Variants in UNC5D observed in about 807,000 individuals in gnomAD.
UNC5D encodes unc-5 netrin receptor D.
UNC5D carries 39 observed loss-of-function variants against 105.4 expected under a neutral mutation model. The ratio of observed to expected loss-of-function variants is 0.37; its 90% CI spans 0.29 to 0.48. The LOEUF (loss-of-function observed/expected upper bound fraction) is 0.48. UNC5D is among the 20% of genes least tolerant of loss of function. The pLI is 0.98. For missense variants in UNC5D, 991 were observed against 1,202.4 expected (o/e 0.82, Z 2.60); for synonymous variants, 452 against 450.4 (o/e 1.00, Z -0.04).
intron 1 of UNC5D, among the ~76,000 whole-genome samples, chr8:35,343,813 T>C (rs1227147335): frequency 2.0e-5 from 3 of 152,178 alleles, no homozygotes; most frequent in Non-Finnish European, 4.4e-5. Context: ...CTTTATGCAA[T>C]TCTGCAGCCT....
intron 16 of UNC5D, among the ~76,000 whole-genome samples, chr8:35,779,889 C>T (rs990113744): frequency 6.6e-6 from 1 of 152,122 alleles, no homozygotes; most frequent in African/African-American, 2.4e-5. Flanking sequence ...TGTCTTTTCC[C>T]TCAGATCTTA....
chr8:35,399,104 G>A (rs998117547), intron 1 of UNC5D, among the ~76,000 whole-genome samples: 5 of 134,478 alleles, frequency 3.7e-5, no homozygotes, highest in African/African-American at 1.2e-4. Context: ...GAGATGACAC[G>A]ACTGTACTCC....
At chr8:35,706,195 A>G (rs1284016641) in intron 8 of UNC5D, among the ~76,000 whole-genome samples, 3 of 152,172 alleles carry the variant, frequency 2.0e-5, no homozygotes, top group Non-Finnish European at 2.9e-5. Flanking sequence ...CTTTCTGCCT[A>G]TAAGTCCATT....
chr8:35,471,505 A>AT (rs1349826280), intron 1 of UNC5D, among the ~76,000 whole-genome samples: 1 of 152,148 alleles, frequency 6.6e-6, no homozygotes. Flanking sequence ...TAAATGAAAG[A>AT]TTTTTTTCTG....
chr8:35,756,483 T>C (rs1412205582), intron 13 of UNC5D, among the ~76,000 whole-genome samples: 5 of 150,950 alleles, frequency 3.3e-5, no homozygotes, highest in Non-Finnish European at 5.9e-5. Context: ...CTTATACATA[T>C]ATCCTGCACC....
At chr8:35,686,824 C>T (rs11778095) in intron 7 of UNC5D, 115 bp downstream of exon 7, 6 of 1,336,264 alleles carry the variant, frequency 4.5e-6, no homozygotes, top group East Asian at 2.7e-5. Flanking sequence ...AGCCAAGCTG[C>T]TAAGGGCAAA....
chr8:35,247,573 G>A (rs540977973), intron 1 of UNC5D, among the ~76,000 whole-genome samples: 70 of 96,626 alleles, frequency 7.2e-4, no homozygotes, highest in African/African-American at 2.7e-3. Context: ...ATATAAATAT[G>A]TATAAAATAT....
chr8:35,673,754 A>G (rs1277745443), intron 4 of UNC5D, among the ~76,000 whole-genome samples: 2 of 152,216 alleles, frequency 1.3e-5, no homozygotes, highest in African/African-American at 4.8e-5. Context: ...TTGGTGTCCA[A>G]TACAGTCACA....
chr8:35,343,014 T>C (rs1267474706), intron 1 of UNC5D, among the ~76,000 whole-genome samples: 3 of 152,060 alleles, frequency 2.0e-5, no homozygotes, highest in African/African-American at 7.2e-5. Flanking sequence ...GGAGGTCTTA[T>C]TAGAGGACAA....
intron 11 of UNC5D, among the ~76,000 whole-genome samples, chr8:35,743,944 C>G (rs900877506): frequency 2.0e-5 from 3 of 152,104 alleles, no homozygotes; most frequent in African/African-American, 7.2e-5. Context: ...CGTTACACAC[C>G]TTATTTATAT....
chr8:35,681,891 C>T (rs1825687859), intron 4 of UNC5D, among the ~76,000 whole-genome samples: 1 of 152,034 alleles, frequency 6.6e-6, no homozygotes, highest in Non-Finnish European at 1.5e-5. Flanking sequence ...ATATGTTTTC[C>T]CCTGGTAAAT....
At chr8:35,713,802 T>A (rs1435589004) in intron 8 of UNC5D, among the ~76,000 whole-genome samples, 1 of 152,096 alleles carries the variant, frequency 6.6e-6, no homozygotes, top group Admixed American at 6.6e-5. Context: ...AAAATAAAAG[T>A]CTGCAAAAGT....
intron 1 of UNC5D, among the ~76,000 whole-genome samples, chr8:35,248,679 A>AAT (rs1200560893): frequency 8.0e-5 from 8 of 100,428 alleles, no homozygotes; most frequent in Admixed American, 1.6e-4. Context: ...TGTTATATAT[A>AAT]ATATATATAA....
intron 1 of UNC5D, among the ~76,000 whole-genome samples, chr8:35,304,920 A>C (rs1808225091): frequency 6.6e-6 from 1 of 151,974 alleles, no homozygotes; most frequent in South Asian, 2.1e-4. Flanking sequence ...AATATAATGT[A>C]ATCAGCTATG....
intron 11 of UNC5D, among the ~76,000 whole-genome samples, chr8:35,735,956 T>G (rs1230549978): frequency 2.0e-5 from 3 of 152,206 alleles, no homozygotes; most frequent in Non-Finnish European, 4.4e-5. Context: ...CAGCTGGTCA[T>G]TCTCTTAATA....
intron 2 of UNC5D, among the ~76,000 whole-genome samples, chr8:35,550,889 T>C (rs887105132): frequency 2.0e-5 from 3 of 152,156 alleles, no homozygotes; most frequent in African/African-American, 7.2e-5. Context: ...TCACAAACAT[T>C]AGTAAATGAA....
intron 1 of UNC5D, among the ~76,000 whole-genome samples, chr8:35,364,501 G>A (rs1001694789): frequency 1.3e-5 from 2 of 152,060 alleles, no homozygotes; most frequent in Admixed American, 6.6e-5. Context: ...TGGAATTAGG[G>A]TGTTTTACCA....
intron 4 of UNC5D, among the ~76,000 whole-genome samples, chr8:35,665,819 T>C (rs1319593111): frequency 6.6e-6 from 1 of 152,140 alleles, no homozygotes; most frequent in East Asian, 1.9e-4. Context: ...ATTTATGTTC[T>C]AGCATATTAC....
intron 1 of UNC5D, among the ~76,000 whole-genome samples, chr8:35,407,574 C>A (rs927639424): frequency 1.3e-5 from 2 of 151,842 alleles, no homozygotes; most frequent in Non-Finnish European, 2.9e-5. Flanking sequence ...GGTAGAAGTT[C>A]AGGTTTGTTA....
Sources: allele counts gnomAD v4.1 joint callset (sites outside exome capture counted in the v4.1 genomes callset), GRCh38; gene constraint gnomAD v4.1.1; transcripts MANE v1.5; gene names NCBI Gene and HGNC (gene_info 2026-07-23, HGNC 2026-07-21).